FAXC: variants seen among roughly 807,000 people sequenced by gnomAD.
FAXC encodes failed axon connections homolog, metaxin like GST domain containing.
In FAXC, 10 loss-of-function variants were observed where a neutral mutation model predicts 41.9. The ratio of observed to expected loss-of-function variants is 0.24; its 90% confidence interval spans 0.15 to 0.41. The LOEUF (loss-of-function observed/expected upper bound fraction) is 0.41, where lower values mean the gene tolerates loss of function less well. Ranked by LOEUF, FAXC falls within the 10% of genes least tolerant of loss-of-function variation. The pLI is 1.00. For synonymous variants in FAXC, 183 were observed against 183.8 expected (o/e 1.00, Z 0.03); for missense variants, 399 against 510.9 (o/e 0.78, Z 2.11).
chr6:99,307,900 C>T (rs773752363), intron 4 of FAXC, among the ~76,000 whole-genome samples: 4 of 151,772 alleles, frequency 2.6e-5, no homozygotes, highest in African/African-American at 4.8e-5. Context: ...TCAGAGACAA[C>T]GCTGTGAAAT....
At chr6:99,298,973 G>A (rs185769801) in intron 4 of FAXC, among the ~76,000 whole-genome samples, 8 of 152,142 alleles carry the variant, frequency 5.3e-5, no homozygotes, top group Admixed American at 3.3e-4. Flanking sequence ...ACTGGGTAGG[G>A]CAGACTATTC....
rs749823352 is a variant in FAXC at position 99,349,377 on chromosome 6, C to T, written c.-5G>A. On this transcript the variant is annotated 5_prime_UTR_variant, in exon 1 of 6. Coordinates refer to ENST00000389677, the MANE Select transcript of FAXC (RefSeq NM_032511.4). ...AAAGCCAACCCCCCAGTGCATGCTGCGCGGCTGGCTCCGGGCGCCCCTCCC... is the reference window on the plus strand; with the variant it reads ...AAAGCCAACCCCCCAGTGCATGCTGTGCGGCTGGCTCCGGGCGCCCCTCCC... The T allele has an allele frequency of 2.5e-6, 4 of 1,600,516 alleles. No individual in the cohort carries two copies. Among genetic ancestry groups the T allele is most frequent in the Non-Finnish European group, 3.4e-6 (4 of 1,173,788 alleles).
intron 4 of FAXC, among the ~76,000 whole-genome samples, chr6:99,320,070 C>A (rs1772534904): frequency 6.6e-6 from 1 of 152,282 alleles, no homozygotes; most frequent in African/African-American, 2.4e-5. Flanking sequence ...GAGCAGGCAT[C>A]TTTGTTTGGT....
At chr6:99,326,781 G>C (rs1380304589) in intron 3 of FAXC, among the ~76,000 whole-genome samples, 1 of 152,208 alleles carries the variant, frequency 6.6e-6, no homozygotes, top group Non-Finnish European at 1.5e-5. Context: ...AGAGAGTGTT[G>C]TAAGGGGTGA....
At chr6:99,322,225 C>T (rs1772620091) in intron 4 of FAXC, among the ~76,000 whole-genome samples, 2 of 152,120 alleles carry the variant, frequency 1.3e-5, no homozygotes, top group African/African-American at 4.8e-5. Flanking sequence ...AACATAACTC[C>T]CGTAATGAAG....
chr6:99,316,413 CAGCCTTGTCTTTGGATTCTG>C (rs1772357240), intron 4 of FAXC, among the ~76,000 whole-genome samples: 1 of 150,152 alleles, frequency 6.7e-6, no homozygotes, highest in African/African-American at 2.5e-5. Flanking sequence ...TACAAGAGTC[CAGCCTTGTCTTTGGATTCTG>C]AGCTCACTGA....
chr6:99,323,514 A>G lies in FAXC; in HGVS notation c.753T>C (p.Ile251=), dbSNP rs1772666386. Residue 251 remains isoleucine, a synonymous_variant, in exon 4 of 6, where the codon ATT becomes ATC. Coordinates refer to ENST00000389677, the MANE Select transcript of FAXC (RefSeq NM_032511.4). The part of the protein sequence containing the change: ...IVKREMHGHG[I]GRFSEEEIYM... ...AAATCTCTTCCTCGGAGAAGCGGCC[A>G]ATGCCGTGGCCGTGCATCTCGCGTT... 3 of 1,614,242 alleles carry G rather than the reference A, an allele frequency of 1.9e-6. No individual in the cohort carries two copies. The highest frequency in any genetic ancestry group is 2.5e-6 in the Non-Finnish European group (3 of 1,180,054).
intron 4 of FAXC, among the ~76,000 whole-genome samples, chr6:99,312,666 C>T (rs555098170): frequency 4.6e-5 from 7 of 152,196 alleles, no homozygotes; most frequent in African/African-American, 1.4e-4. Context: ...ATCAGAGACT[C>T]CAGACCAAAA....
intron 4 of FAXC, among the ~76,000 whole-genome samples, chr6:99,312,019 C>T (rs1283708999): frequency 6.6e-6 from 1 of 152,222 alleles, no homozygotes; most frequent in African/African-American, 2.4e-5. Flanking sequence ...ACTAACTACT[C>T]CTGACCAGCC....
rs936506687 is a variant in FAXC at position 99,273,700 on chromosome 6, C to T, written c.*7464G>A. On this transcript the variant is annotated 3_prime_UTR_variant, in exon 6 of 6. Transcript: ENST00000389677. ...TGCCTGTTTTATATCTGCTTTGCCA[C>T]AAATGGTATATACACATTCTCTAAT... 1.3e-5 allele frequency: 2 copies of T among 151,930 alleles called. No individual in the cohort carries two copies. Among genetic ancestry groups the T allele is most frequent in the Non-Finnish European group, 2.9e-5 (2 of 68,010 alleles). The allele number at this position is 151,930 out of a possible 1,614,324, so 9.4% of individuals were successfully genotyped here.
rs191511633 is a variant in FAXC at position 99,331,573 on chromosome 6, G to A, written c.599+1778C>T. On this transcript the variant is annotated intron_variant, in intron 3 of 5. Coordinates refer to ENST00000389677, the MANE Select transcript of FAXC (RefSeq NM_032511.4). ...TGTTGCTGGGTCAAAAACTTTCTAAGGGGAATATATATTTTCTAAACCATT... is the reference window on the plus strand; with the variant it reads ...TGTTGCTGGGTCAAAAACTTTCTAAAGGGAATATATATTTTCTAAACCATT... 4.1e-3 allele frequency among the ~76,000 whole-genome samples: 630 copies of A among 152,296 alleles called. 8 individuals carry two copies. The highest frequency in any genetic ancestry group is 7.0e-3 in the Non-Finnish European group (475 of 68,016).
intron 4 of FAXC, among the ~76,000 whole-genome samples, chr6:99,300,547 G>A (rs1771665676): frequency 6.6e-6 from 1 of 152,186 alleles, no homozygotes; most frequent in South Asian, 2.1e-4. Flanking sequence ...CAATATTGTT[G>A]CTTCTGAGTG....
chr6:99,348,719 T>A (rs1283949060), intron 1 of FAXC, among the ~76,000 whole-genome samples: 1 of 152,232 alleles, frequency 6.6e-6, no homozygotes. Flanking sequence ...AAAGATAAGG[T>A]TAGCAGTTAA....
At chr6:99,344,421 AC>A (rs1411396292) in intron 1 of FAXC, among the ~76,000 whole-genome samples, 1 of 151,320 alleles carries the variant, frequency 6.6e-6, no homozygotes. Context: ...ACAACACCAC[AC>A]CCCCTTCTTT....
At chr6:99,312,530 C>A (rs1423160773) in intron 4 of FAXC, among the ~76,000 whole-genome samples, 2 of 152,128 alleles carry the variant, frequency 1.3e-5, no homozygotes, top group Admixed American at 6.5e-5. Flanking sequence ...ATGTTGTGTA[C>A]CCGTTAAACC....
intron 4 of FAXC, among the ~76,000 whole-genome samples, chr6:99,296,964 G>A (rs1771521710): frequency 6.6e-6 from 1 of 152,120 alleles, no homozygotes; most frequent in Non-Finnish European, 1.5e-5. Context: ...GAACCACTGG[G>A]GCACCCAAGG....
chr6:99,323,743 C>T (rs1772679798), intron 3 of FAXC, 76 bp from the exon 4 acceptor site: 3 of 1,137,258 alleles, frequency 2.6e-6, no homozygotes, highest in Admixed American at 2.0e-5. Flanking sequence ...TAGAATGAGT[C>T]GTTCAGAATT....
intron 4 of FAXC, among the ~76,000 whole-genome samples, chr6:99,316,985 C>A (rs2128458186): frequency 6.6e-6 from 1 of 152,240 alleles, no homozygotes; most frequent in Admixed American, 6.5e-5. Context: ...ATTACATAGT[C>A]AAGGTCACAC....
intron 4 of FAXC, among the ~76,000 whole-genome samples, chr6:99,307,546 C>T (rs1166856079): frequency 6.6e-6 from 1 of 152,022 alleles, no homozygotes. Context: ...TCCACTGTGG[C>T]AGCAGTGGGG....
Sources: gnomAD v4.1 joint callset for allele counts (sites outside exome capture counted in the v4.1 genomes callset) on GRCh38, gnomAD v4.1.1 for gene constraint, MANE v1.5 for transcripts, NCBI Gene and HGNC (gene_info 2026-07-23, HGNC 2026-07-21) for gene names.